The following ADGRL2 variants were observed in gnomAD, a reference collection of about 807,000 sequenced individuals.
ADGRL2 encodes the protein adhesion G protein-coupled receptor L2.
Under a neutral mutation model 157.4 loss-of-function variants are expected in ADGRL2, and 44 were observed. The ratio of observed to expected loss-of-function variants is 0.28; its 90% CI spans 0.22 to 0.36. The LOEUF is 0.36. ADGRL2 is among the 10% of genes least tolerant of loss of function. The probability of loss-of-function intolerance (pLI) is 1.00; values close to 1 mark genes in which losing one functional copy is unlikely to be tolerated. For missense variants in ADGRL2, 1,510 were observed against 1,768.9 expected (o/e 0.85, Z 2.63); for synonymous variants, 585 against 624.7 (o/e 0.94, Z 0.95).
At chr1:81,336,552 A>G (rs948551907) in intron 1 of ADGRL2, among the ~76,000 whole-genome samples, 7 of 152,158 alleles carry the variant, frequency 4.6e-5, no homozygotes, top group African/African-American at 7.2e-5. Context: ...AGGATCGCCA[A>G]TGTGAAGTGC....
At chr1:81,941,941 A>G in intron 4 of ADGRL2, 93 bp from the exon 5 acceptor site, 1 of 636,650 alleles carries the variant, frequency 1.6e-6, no homozygotes, top group Middle Eastern at 2.7e-4. Context: ...TCTGTTACGA[A>G]TTCAGTCTTA....
intron 3 of ADGRL2, among the ~76,000 whole-genome samples, chr1:81,582,444 T>C (rs2080935567): frequency 6.6e-6 from 1 of 152,134 alleles, no homozygotes; most frequent in African/African-American, 2.4e-5. Context: ...AAGTGCTCGT[T>C]AGTGATTGTA....
intron 1 of ADGRL2, among the ~76,000 whole-genome samples, chr1:81,376,952 C>T (rs67297761): frequency 0.046 from 6,944 of 152,128 alleles, 266 homozygotes; most frequent in African/African-American, 0.096. Flanking sequence ...TTTGAGAAAC[C>T]GAGTAGGGAG....
intron 3 of ADGRL2, among the ~76,000 whole-genome samples, chr1:81,662,113 G>A (rs988740633): frequency 3.9e-5 from 6 of 151,962 alleles, no homozygotes; most frequent in Non-Finnish European, 8.8e-5. Flanking sequence ...GGAGAATGGG[G>A]TATCCATCCC....
chr1:81,616,622 T>A (rs2081652388), intron 3 of ADGRL2, among the ~76,000 whole-genome samples: 1 of 151,880 alleles, frequency 6.6e-6, no homozygotes, highest in Non-Finnish European at 1.5e-5. Flanking sequence ...ACCTACTCAT[T>A]AGTATCCACT....
chr1:81,452,104 G>A (rs534788220), intron 2 of ADGRL2, among the ~76,000 whole-genome samples: 29 of 152,058 alleles, frequency 1.9e-4, no homozygotes, highest in African/African-American at 4.1e-4. Context: ...CAAGACTGTC[G>A]TTTTTTTATC....
chr1:81,694,031 C>G (rs2083394807), intron 3 of ADGRL2, among the ~76,000 whole-genome samples: 1 of 152,090 alleles, frequency 6.6e-6, no homozygotes, highest in South Asian at 2.1e-4. Context: ...ATGAAATCAA[C>G]AAAAGATACC....
intron 23 of ADGRL2, 52 bp from the exon 24 acceptor site, chr1:81,990,339 T>C: frequency 6.4e-7 from 1 of 1,558,540 alleles, no homozygotes; most frequent in South Asian, 1.2e-5. Flanking sequence ...AAATAGAGTT[T>C]CTGTGGAAAG....
At chr1:81,331,744 A>G (rs112020080) in intron 1 of ADGRL2, among the ~76,000 whole-genome samples, 1 of 152,264 alleles carries the variant, frequency 6.6e-6, no homozygotes, top group African/African-American at 2.4e-5. Context: ...CCATAGATTT[A>G]TTGATCATTT....
intron 2 of ADGRL2, among the ~76,000 whole-genome samples, chr1:81,447,911 G>C (rs2077628335): frequency 6.6e-6 from 1 of 151,912 alleles, no homozygotes; most frequent in Admixed American, 6.6e-5. Flanking sequence ...TTTTGGTGCT[G>C]TTCTCCTGAT....
chr1:81,409,787 C>T (rs562649215), intron 1 of ADGRL2, among the ~76,000 whole-genome samples: 38 of 152,228 alleles, frequency 2.5e-4, no homozygotes, highest in African/African-American at 8.4e-4. Flanking sequence ...AAGAAGTGTG[C>T]AATTTGTTAG....
chr1:81,392,417 T>TGGTAAAAA (rs1265526370), intron 1 of ADGRL2, among the ~76,000 whole-genome samples: 2 of 152,052 alleles, frequency 1.3e-5, no homozygotes, highest in African/African-American at 4.8e-5. Flanking sequence ...TCTCATCTAT[T>TGGTAAAAA]TTTACCAATT....
chr1:81,420,823 C>CT (rs2077110807), intron 1 of ADGRL2, among the ~76,000 whole-genome samples: 1 of 152,112 alleles, frequency 6.6e-6, no homozygotes, highest in Non-Finnish European at 1.5e-5. Context: ...ATAGCAGCTG[C>CT]TTCTGTTTGA....
At chr1:81,437,914 C>G (rs1007559225) in intron 1 of ADGRL2, among the ~76,000 whole-genome samples, 4 of 152,084 alleles carry the variant, frequency 2.6e-5, no homozygotes, top group African/African-American at 9.7e-5. Context: ...TCGTGACTGT[C>G]TGAAAGCAAA....
chr1:81,981,497 T>C (rs1443619764), intron 18 of ADGRL2, among the ~76,000 whole-genome samples: 1 of 151,940 alleles, frequency 6.6e-6, no homozygotes, highest in Non-Finnish European at 1.5e-5. Context: ...CCTTAATTTC[T>C]TTTATCAAAA....
chr1:81,605,632 G>A (rs1194588379), intron 3 of ADGRL2, among the ~76,000 whole-genome samples: 6 of 152,178 alleles, frequency 3.9e-5, no homozygotes, highest in Non-Finnish European at 7.4e-5. Flanking sequence ...CTCTGATGAT[G>A]CCATCAGCTA....
chr1:81,416,911 A>G (rs1464991696), intron 1 of ADGRL2, among the ~76,000 whole-genome samples: 1 of 152,192 alleles, frequency 6.6e-6, no homozygotes, highest in Admixed American at 6.5e-5. Context: ...ATTATCTTAG[A>G]ATTGGGCTCA....
At chr1:81,310,415 C>T (rs929389492) in intron 1 of ADGRL2, among the ~76,000 whole-genome samples, 17 of 152,222 alleles carry the variant, frequency 1.1e-4, no homozygotes, top group Admixed American at 2.6e-4. Context: ...TATCAGATAT[C>T]TAATATAAAC....
intron 2 of ADGRL2, among the ~76,000 whole-genome samples, chr1:81,482,358 C>A (rs748663326): frequency 1.2e-4 from 18 of 152,078 alleles, no homozygotes; most frequent in Non-Finnish European, 2.5e-4. Context: ...TGTAATTTTT[C>A]TTTTGCCATC....
Sources: gnomAD v4.1 joint callset for allele counts (sites outside exome capture counted in the v4.1 genomes callset) on GRCh38, gnomAD v4.1.1 for gene constraint, MANE v1.5 for transcripts, NCBI Gene and HGNC (gene_info 2026-07-23, HGNC 2026-07-21) for gene names.